Variants in DSCAM observed in about 807,000 individuals in gnomAD.
DSCAM encodes the protein cell adhesion molecule DSCAM.
DSCAM carries 47 observed loss-of-function variants against 217.7 expected under a neutral mutation model. The observed-to-expected ratio is 0.22, with a 90% CI of 0.17 to 0.28. The LOEUF is 0.28. Ranked by LOEUF, DSCAM falls within the 10% of genes least tolerant of loss-of-function variation. DSCAM has a pLI of 1.00. For missense variants in DSCAM, 2,080 were observed against 2,618.3 expected (o/e 0.79, Z 4.49); for synonymous variants, 1,056 against 1,015.3 (o/e 1.04, Z -0.76).
intron 3 of DSCAM, among the ~76,000 whole-genome samples, chr21:40,527,196 C>A (rs2205134): frequency 0.27 from 41,446 of 152,048 alleles, 7,124 homozygotes; most frequent in African/African-American, 0.47. Flanking sequence ...TGCCTTCAGA[C>A]AAAATCTACC....
chr21:40,108,780 T>C (rs1487414677), intron 20 of DSCAM, among the ~76,000 whole-genome samples: 1 of 152,188 alleles, frequency 6.6e-6, no homozygotes, highest in Admixed American at 6.5e-5. Context: ...CAAAACAGCA[T>C]GGTTCTGGTA....
chr21:40,756,069 T>C (rs1169191811), intron 1 of DSCAM, among the ~76,000 whole-genome samples: 1 of 152,238 alleles, frequency 6.6e-6, no homozygotes, highest in Non-Finnish European at 1.5e-5. Flanking sequence ...AAATGTCATT[T>C]CCAATGTTGA....
intron 3 of DSCAM, chr21:40,618,557 G>A (rs1275832199): frequency 6.6e-6 from 1 of 151,998 alleles, no homozygotes; most frequent in Non-Finnish European, 1.5e-5. Flanking sequence ...CTGCACATTT[G>A]TGCTTTGTCA....
intron 14 of DSCAM, among the ~76,000 whole-genome samples, chr21:40,183,911 G>A (rs1364636349): frequency 6.6e-6 from 1 of 152,184 alleles, no homozygotes; most frequent in Admixed American, 6.5e-5. Context: ...TCAACAATTT[G>A]ACTAATGGTT....
In DSCAM at chr21:40,845,003, A is replaced by G. The variant is rs145074626; in HGVS notation, c.43+1616T>C. ...CTCTGTGTCTTTGGAACACATGTGT[A>G]GGCATCTCTACATTTCTTAGGAGGT... On this transcript the variant is annotated intron_variant, in intron 1 of 32. Transcript: ENST00000400454. Among the ~76,000 whole-genome samples the G allele has an allele frequency of 7.2e-5, 11 of 152,302 alleles. No individual in the cohort carries two copies. In the East Asian group the frequency reaches 1.9e-3, roughly 27 times the overall value.
At chr21:40,381,230 G>T (rs2075021708) in intron 3 of DSCAM, among the ~76,000 whole-genome samples, 1 of 152,128 alleles carries the variant, frequency 6.6e-6, no homozygotes, top group Admixed American at 6.6e-5. Flanking sequence ...ACGGGGTGTG[G>T]CACTGGCTGT....
At chr21:40,596,760 G>C (rs1462749790) in intron 3 of DSCAM, among the ~76,000 whole-genome samples, 1 of 152,038 alleles carries the variant, frequency 6.6e-6, no homozygotes, top group Non-Finnish European at 1.5e-5. Flanking sequence ...GGGAAACATA[G>C]AATGATTTTT....
intron 27 of DSCAM, among the ~76,000 whole-genome samples, chr21:40,069,122 T>C (rs2089252769): frequency 6.7e-6 from 1 of 149,732 alleles, no homozygotes; most frequent in Non-Finnish European, 1.5e-5. Flanking sequence ...AGAAAGAAAA[T>C]TGGGGCATCA....
chr21:40,357,487 G>A (rs2074706439), intron 4 of DSCAM, among the ~76,000 whole-genome samples: 1 of 152,142 alleles, frequency 6.6e-6, no homozygotes, highest in African/African-American at 2.4e-5. Context: ...TCCAGAAATG[G>A]TCCTGGACAT....
intron 11 of DSCAM, among the ~76,000 whole-genome samples, chr21:40,196,052 C>A (rs371558379): frequency 2.4e-4 from 37 of 152,304 alleles, no homozygotes; most frequent in African/African-American, 8.4e-4. Flanking sequence ...TCTCAAAGGT[C>A]GAGCTGTAAG....
chr21:40,588,844 A>G (rs1327520172), intron 3 of DSCAM, among the ~76,000 whole-genome samples: 2 of 152,358 alleles, frequency 1.3e-5, no homozygotes, highest in Middle Eastern at 3.4e-3. Context: ...ACAGAGGAAG[A>G]AAAAGAAAAA....
chr21:40,317,644 C>T (rs535787234), intron 8 of DSCAM, among the ~76,000 whole-genome samples: 1 of 152,128 alleles, frequency 6.6e-6, no homozygotes, highest in Admixed American at 6.5e-5. Context: ...ATTCTCCTGC[C>T]TCAGCCTCCC....
At chr21:40,461,974 C>A (rs888428670) in intron 3 of DSCAM, among the ~76,000 whole-genome samples, 6 of 152,076 alleles carry the variant, frequency 3.9e-5, no homozygotes, top group Non-Finnish European at 8.8e-5. Flanking sequence ...TTCTGACATC[C>A]ACAATAGTAT....
chr21:40,289,116 T>C (rs2073861386), intron 10 of DSCAM, among the ~76,000 whole-genome samples: 1 of 152,100 alleles, frequency 6.6e-6, no homozygotes, highest in Non-Finnish European at 1.5e-5. Context: ...TGAAAGCAAA[T>C]GGGAGAGAGA....
intron 1 of DSCAM, among the ~76,000 whole-genome samples, chr21:40,774,921 C>T (rs1276350585): frequency 1.3e-5 from 2 of 151,678 alleles, no homozygotes; most frequent in East Asian, 3.9e-4. Flanking sequence ...TGCATTCATT[C>T]ACTACATGGA....
intron 3 of DSCAM, among the ~76,000 whole-genome samples, chr21:40,581,554 C>A (rs1601763307): frequency 6.6e-6 from 1 of 152,120 alleles, no homozygotes; most frequent in East Asian, 1.9e-4. Context: ...CACTTCCTCC[C>A]AGGTGTGAGA....
chr21:40,186,727 G>A (rs1488327048), intron 14 of DSCAM, among the ~76,000 whole-genome samples: 3 of 152,168 alleles, frequency 2.0e-5, no homozygotes, highest in Admixed American at 6.5e-5. Context: ...TGAGCTCAAC[G>A]CTCTGGGTGC....
chr21:40,173,555 C>T (rs890626644), intron 15 of DSCAM, among the ~76,000 whole-genome samples: 2 of 152,144 alleles, frequency 1.3e-5, no homozygotes, highest in South Asian at 2.1e-4. Context: ...CGGCTCTTCT[C>T]GCTGAGTGAA....
chr21:40,129,039 A>G (rs533394875), intron 19 of DSCAM, among the ~76,000 whole-genome samples: 18 of 152,318 alleles, frequency 1.2e-4, no homozygotes, highest in African/African-American at 4.1e-4. Flanking sequence ...AAGTCTGACT[A>G]AACACCCACA....
Sources: allele counts gnomAD v4.1 joint callset (sites outside exome capture counted in the v4.1 genomes callset), GRCh38; gene constraint gnomAD v4.1.1; transcripts MANE v1.5; gene names NCBI Gene and HGNC (gene_info 2026-07-23, HGNC 2026-07-21).